Variants in SENP7 observed in about 807,000 individuals in gnomAD.
The protein encoded by SENP7 is sentrin-specific protease 7.
SENP7 carries 64 observed loss-of-function variants against 141.2 expected under a neutral mutation model. The ratio of observed to expected loss-of-function variants is 0.45; its 90% CI spans 0.37 to 0.56. The LOEUF is 0.56. Ranked by LOEUF, SENP7 falls within the 20% of genes least tolerant of loss-of-function variation. The pLI, the probability that SENP7 is intolerant of heterozygous loss-of-function variation, is 0.00. For missense variants in SENP7, 1,025 were observed against 1,212.2 expected (o/e 0.85, Z 2.29); for synonymous variants, 382 against 426.4 (o/e 0.90, Z 1.28).
At chr3:101,409,710 T>C (rs2061400909) in intron 5 of SENP7, among the ~76,000 whole-genome samples, 1 of 152,162 alleles carries the variant, frequency 6.6e-6, no homozygotes. Context: ...CAACAAATGG[T>C]GCTGGGATAA....
At position 101,488,456 on chromosome 3, in the gene SENP7, G is replaced by A. The variant is rs1047867153; in HGVS notation, c.186+5417C>T. Among the ~76,000 whole-genome samples the A allele has an allele frequency of 8.5e-5, 13 of 152,150 alleles. No homozygotes were observed. In the East Asian group the frequency reaches 2.5e-3, roughly 29 times the overall value. Reference sequence around the variant, plus strand: ...AAAGAGACTAAATCTATCACTCACTGGCATTCCTGAGAAAGAATGGGAGAG... The same window carrying A: ...AAAGAGACTAAATCTATCACTCACTAGCATTCCTGAGAAAGAATGGGAGAG... On this transcript the variant is annotated intron_variant, in intron 3 of 23. Coordinates refer to ENST00000394095, the MANE Select transcript of SENP7 (RefSeq NM_020654.5).
At chr3:101,503,956 A>G (rs1158782770) in intron 1 of SENP7, among the ~76,000 whole-genome samples, 1 of 152,106 alleles carries the variant, frequency 6.6e-6, no homozygotes, top group African/African-American at 2.4e-5. Flanking sequence ...AAATTAAAAA[A>G]AAAAAAAGTC....
At chr3:101,493,588 CATT>C (rs1263899060) in intron 3 of SENP7, among the ~76,000 whole-genome samples, 1 of 151,794 alleles carries the variant, frequency 6.6e-6, no homozygotes, top group Admixed American at 6.6e-5. Flanking sequence ...ATTCTATAAA[CATT>C]ATCGTTTTAG....
In SENP7 at chr3:101,401,421, C is replaced by A. The variant is rs535541141; in HGVS notation, c.483-2366G>T. 2.0e-5 allele frequency among the ~76,000 whole-genome samples: 3 copies of A among 151,322 alleles called. No homozygotes were observed. The East Asian group carries it at 5.8e-4, about 29-fold the overall frequency. On this transcript the variant is annotated intron_variant, in intron 5 of 23. Coordinates refer to ENST00000394095, the MANE Select transcript of SENP7 (RefSeq NM_020654.5). ...GCAGGCACCTGCAATCCCAGCTACT[C>A]GGGAGGCTGAGGCAGAAGAATGACT...
chr3:101,329,147 G>T (rs1380963298), intron 20 of SENP7, among the ~76,000 whole-genome samples: 1 of 152,104 alleles, frequency 6.6e-6, no homozygotes, highest in Non-Finnish European at 1.5e-5. Context: ...ATAAGTTTGA[G>T]AAACTACAGA....
chr3:101,329,775 T>TAAAAAAA (rs762298259), intron 20 of SENP7, among the ~76,000 whole-genome samples: 4 of 100,472 alleles, frequency 4.0e-5, no homozygotes, highest in Non-Finnish European at 6.0e-5. Context: ...CCATCTCTAC[T>TAAAAAAA]AAAAAAAAAA....
intron 4 of SENP7, among the ~76,000 whole-genome samples, chr3:101,424,478 C>T (rs931499261): frequency 1.3e-5 from 2 of 152,116 alleles, no homozygotes; most frequent in African/African-American, 2.4e-5. Flanking sequence ...CAAACCATGG[C>T]GAGCACAAAG....
Position 101,449,056 on chromosome 3 carries a change from G to A in SENP7, c.284+9899C>T, listed in dbSNP as rs556223332. 2.6e-5 allele frequency among the ~76,000 whole-genome samples: 4 copies of A among 152,248 alleles called. No individual in the cohort carries two copies. The South Asian group carries it at 6.2e-4, about 24-fold the overall frequency. On this transcript the variant is annotated intron_variant, in intron 4 of 23. Coordinates refer to ENST00000394095, the MANE Select transcript of SENP7 (RefSeq NM_020654.5). ...AAGACGTGATGGAGCTGAAAACCAA[G>A]GCACGAGAAGTACGCGGCAAATGCA...
chr3:101,392,060 AAC>A (rs2060831843), intron 6 of SENP7, among the ~76,000 whole-genome samples: 1 of 152,188 alleles, frequency 6.6e-6, no homozygotes, highest in South Asian at 2.1e-4. Context: ...GCACAGAAGT[AAC>A]ACACTGCAAC....
chr3:101,348,491 T>C (rs1426861054), intron 12 of SENP7, among the ~76,000 whole-genome samples: 1 of 152,126 alleles, frequency 6.6e-6, no homozygotes, highest in Non-Finnish European at 1.5e-5. Flanking sequence ...AAATGATATA[T>C]TTCCACCTTT....
chr3:101,444,535 A>T (rs1168116538), intron 4 of SENP7, among the ~76,000 whole-genome samples: 6 of 152,098 alleles, frequency 3.9e-5, no homozygotes, highest in Admixed American at 3.9e-4. Flanking sequence ...AATGTGGCAC[A>T]TATACACCAT....
Position 101,341,662 on chromosome 3 carries a change from T to G in SENP7, c.2224A>C (p.Thr742Pro), listed in dbSNP as rs775978434. ...AGTACATACTTCTGAACAAGTCCAG[T>G]GTGCCTGACTTCTCGCCATTCTTCA... ...PDEEWREVRH[T>P]GLVQKLIVYP... The change falls in exon 15 of 24, where the codon ACT (threonine) becomes CCT (proline). Residue 742 changes from threonine to proline, a missense_variant. Thr to Pro is a conservative substitution (Grantham distance 38, BLOSUM62 -1). Coordinates refer to ENST00000394095, the MANE Select transcript of SENP7 (RefSeq NM_020654.5). The G allele has an allele frequency of 3.5e-5, 57 of 1,605,648 alleles. No individual in the cohort carries two copies. In the East Asian group the frequency reaches 1.2e-3, roughly 35 times the overall value.
intron 3 of SENP7, among the ~76,000 whole-genome samples, chr3:101,470,642 T>C (rs571011355): frequency 1.3e-5 from 2 of 152,276 alleles, no homozygotes; most frequent in East Asian, 3.9e-4. Context: ...TATTGGAAGT[T>C]CTGGCCAGGG....
intron 17 of SENP7, among the ~76,000 whole-genome samples, chr3:101,336,413 T>C (rs868762756): frequency 6.6e-6 from 1 of 152,162 alleles, no homozygotes; most frequent in South Asian, 2.1e-4. Flanking sequence ...TCTAGTACAA[T>C]AAAAACTTTG....
chr3:101,500,809 G>T (rs1356966532), intron 2 of SENP7, among the ~76,000 whole-genome samples: 1 of 152,162 alleles, frequency 6.6e-6, no homozygotes, highest in Admixed American at 6.5e-5. Context: ...GTTGTGCTAT[G>T]TTTTAAATAA....
chr3:101,437,883 A>G (rs2062451104), intron 4 of SENP7, among the ~76,000 whole-genome samples: 2 of 152,100 alleles, frequency 1.3e-5, no homozygotes, highest in South Asian at 4.1e-4. Flanking sequence ...TTAAGACTAC[A>G]ATGAAATGCC....
intron 6 of SENP7, among the ~76,000 whole-genome samples, chr3:101,397,090 G>A (rs1212073119): frequency 2.6e-5 from 4 of 152,110 alleles, no homozygotes; most frequent in East Asian, 1.9e-4. Flanking sequence ...TGATCCACCC[G>A]CCTCAGCCTC....
chr3:101,332,192 G>A (rs2059075808), intron 18 of SENP7, 83 bp from the exon 19 acceptor site: 17 of 1,330,804 alleles, frequency 1.3e-5, no homozygotes, highest in Non-Finnish European at 1.7e-5. Flanking sequence ...CTGAGAAAGT[G>A]AGAATAAATT....
chr3:101,510,349 GAAA>G (rs1260455809), intron 1 of SENP7, among the ~76,000 whole-genome samples: 1 of 152,146 alleles, frequency 6.6e-6, no homozygotes, highest in African/African-American at 2.4e-5. Flanking sequence ...ACTTGCAACT[GAAA>G]AAGTTTTGAG....
Sources: allele counts gnomAD v4.1 joint callset (sites outside exome capture counted in the v4.1 genomes callset), GRCh38; gene constraint gnomAD v4.1.1; transcripts MANE v1.5; gene names NCBI Gene and HGNC (gene_info 2026-07-23, HGNC 2026-07-21).